Variants in TLE4 observed in about 807,000 individuals in gnomAD.
The protein encoded by TLE4 is TLE family member 4, transcriptional corepressor.
TLE4 carries 8 observed loss-of-function variants against 92.8 expected under a neutral mutation model. That is an observed-to-expected ratio of 0.09 (90% CI 0.05 to 0.16). TLE4 has a LOEUF of 0.16. Ranked by LOEUF, TLE4 falls within the 10% of genes least tolerant of loss-of-function variation. The pLI is 1.00. For missense variants in TLE4, 675 were observed against 997.6 expected, an observed-to-expected ratio of 0.68 and a Z score of 4.36; for synonymous variants, 371 against 374.1, an observed-to-expected ratio of 0.99 and a Z score of 0.10.
intron 6 of TLE4, among the ~76,000 whole-genome samples, chr9:79,645,820 A>G (rs752669810): frequency 1.3e-5 from 2 of 152,210 alleles, no homozygotes; most frequent in Non-Finnish European, 2.9e-5. Flanking sequence ...CATCAAGGAA[A>G]TAGGAAGAAG....
chr9:79,722,427 C>G (rs767655217), intron 17 of TLE4, 24 bp from the exon 18 acceptor site: 1 of 1,612,976 alleles, frequency 6.2e-7, no homozygotes, highest in Non-Finnish European at 8.5e-7. Flanking sequence ...TGGCCACTGT[C>G]ACCATCACCT....
chr9:79,649,024 C>A (rs1319727974), intron 6 of TLE4, among the ~76,000 whole-genome samples: 1 of 152,120 alleles, frequency 6.6e-6, no homozygotes, highest in Admixed American at 6.5e-5. Flanking sequence ...TTTCAGTGTT[C>A]TTGAAGCAGG....
chr9:79,670,782 T>C (rs1414387858), intron 8 of TLE4, among the ~76,000 whole-genome samples: 3 of 152,152 alleles, frequency 2.0e-5, no homozygotes, highest in African/African-American at 7.2e-5. Flanking sequence ...CTTATGCTAT[T>C]TACCATCCTT....
chr9:79,573,055 ATTG>A (rs1321074414), intron 1 of TLE4, among the ~76,000 whole-genome samples: 5 of 151,378 alleles, frequency 3.3e-5, no homozygotes, highest in African/African-American at 1.2e-4. Flanking sequence ...CCATTTTCTT[ATTG>A]TTGTCTTTGA....
At chr9:79,683,959 A>G (rs576034167) in intron 8 of TLE4, among the ~76,000 whole-genome samples, 101 of 152,364 alleles carry the variant, frequency 6.6e-4, no homozygotes, top group Non-Finnish European at 1.2e-3. Flanking sequence ...ATACTGACTC[A>G]TTTCTTAAGA....
At chr9:79,651,332 C>A (rs1366382424) in intron 6 of TLE4, among the ~76,000 whole-genome samples, 2 of 152,122 alleles carry the variant, frequency 1.3e-5, no homozygotes, top group African/African-American at 2.4e-5. Flanking sequence ...TCCTCTCCCC[C>A]ACTTCCCACT....
chr9:79,672,446 G>T (rs1232038595), intron 8 of TLE4, among the ~76,000 whole-genome samples: 3 of 152,112 alleles, frequency 2.0e-5, no homozygotes, highest in African/African-American at 7.2e-5. Flanking sequence ...TCTTTCAAGT[G>T]AATCTGTTTT....
chr9:79,712,088 T>C (rs1420988032), intron 14 of TLE4, among the ~76,000 whole-genome samples: 1 of 152,168 alleles, frequency 6.6e-6, no homozygotes, highest in African/African-American at 2.4e-5. Flanking sequence ...GATGTGAAGA[T>C]AGGAAGTAAG....
chr9:79,694,663 A>G (rs1588343786), intron 8 of TLE4, among the ~76,000 whole-genome samples: 1 of 152,278 alleles, frequency 6.6e-6, no homozygotes, highest in East Asian at 1.9e-4. Context: ...GTAGTCATCT[A>G]TGACTTAAAT....
chr9:79,699,429 G>C (rs535219679), intron 8 of TLE4, among the ~76,000 whole-genome samples: 1 of 152,098 alleles, frequency 6.6e-6, no homozygotes, highest in Admixed American at 6.6e-5. Flanking sequence ...ATAATTTATC[G>C]TCTAAACTTG....
intron 4 of TLE4, among the ~76,000 whole-genome samples, chr9:79,599,908 C>A (rs2045165218): frequency 6.6e-6 from 1 of 152,182 alleles, no homozygotes; most frequent in Non-Finnish European, 1.5e-5. Flanking sequence ...ATCTGAAATT[C>A]CTCTTTATAT....
intron 6 of TLE4, among the ~76,000 whole-genome samples, chr9:79,645,376 G>T (rs1210049297): frequency 2.0e-5 from 3 of 152,210 alleles, no homozygotes; most frequent in Non-Finnish European, 4.4e-5. Flanking sequence ...CAAGGAAACT[G>T]CTGCCTGGCC....
chr9:79,675,131 G>A (rs921724151), intron 8 of TLE4, among the ~76,000 whole-genome samples: 4 of 152,094 alleles, frequency 2.6e-5, no homozygotes, highest in Admixed American at 2.6e-4. Flanking sequence ...TGTCCTTTCT[G>A]CCCTTCCCTA....
chr9:79,585,048 A>G (rs913070000), intron 4 of TLE4, among the ~76,000 whole-genome samples: 1 of 152,236 alleles, frequency 6.6e-6, no homozygotes, highest in Non-Finnish European at 1.5e-5. Context: ...GTGTTTAGCT[A>G]ACTTCCCTGC....
In TLE4 at chr9:79,572,103, C is replaced by G. The variant is rs1171201507; in HGVS notation, c.-688C>G. 6.6e-6 allele frequency: 1 copy of G among 151,114 alleles called. No individual in the cohort carries two copies. The highest frequency in any genetic ancestry group is 1.5e-5 in the Non-Finnish European group (1 of 67,846). 9.4% of individuals were successfully genotyped at this position (151,114 alleles called of 1,614,324 possible). A position where few individuals can be genotyped will look rare whatever the true frequency, so the allele number is the denominator to read the frequency against. On this transcript the variant is annotated 5_prime_UTR_variant, in exon 1 of 20. Coordinates refer to ENST00000376552, the MANE Select transcript of TLE4 (RefSeq NM_007005.6). ...GAGAGAGAATTAAAAAAAAAAGCCG[C>G]AAGCGTTTCACTCTTTTATTTTTAT...
chr9:79,701,674 A>G (rs978627729), intron 8 of TLE4, among the ~76,000 whole-genome samples: 1 of 152,220 alleles, frequency 6.6e-6, no homozygotes, highest in African/African-American at 2.4e-5. Context: ...CAAGGGCACC[A>G]CAACACAAAT....
chr9:79,669,801 T>TG (rs1488191971), intron 8 of TLE4, among the ~76,000 whole-genome samples: 15 of 152,204 alleles, frequency 9.9e-5, no homozygotes, highest in Non-Finnish European at 2.9e-5. Context: ...GCCCAATTGT[T>TG]TTAGTCTTTG....
At chr9:79,576,230 G>T in intron 4 of TLE4, 53 bp downstream of exon 4, 1 of 1,313,616 alleles carries the variant, frequency 7.6e-7, no homozygotes, top group Non-Finnish European at 1.0e-6. Context: ...GGGACACTAT[G>T]AAAAGAAAAT....
chr9:79,668,145 G>A (rs1357261736), intron 8 of TLE4, among the ~76,000 whole-genome samples: 1 of 152,212 alleles, frequency 6.6e-6, no homozygotes, highest in East Asian at 1.9e-4. Context: ...TACTGGGTGG[G>A]TTTCAGTCTT....
Sources: allele counts gnomAD v4.1 joint callset (sites outside exome capture counted in the v4.1 genomes callset), GRCh38; gene constraint gnomAD v4.1.1; transcripts MANE v1.5; gene names NCBI Gene and HGNC (gene_info 2026-07-23, HGNC 2026-07-21).